Variants in ADGRV1 observed in about 807,000 individuals in gnomAD.
ADGRV1 encodes the protein adhesion G protein-coupled receptor V1.
ADGRV1 carries 359 observed loss-of-function variants against 596.2 expected under a neutral mutation model. The observed-to-expected ratio is 0.60, with a 90% CI of 0.55 to 0.66. The LOEUF (loss-of-function observed/expected upper bound fraction) is 0.66. ADGRV1 is among the 30% of genes least tolerant of loss of function. The pLI is 0.00. For missense variants in ADGRV1, 7,274 were observed against 7,575.6 expected (o/e 0.96, Z 1.48); for synonymous variants, 2,681 against 2,679.2 (o/e 1.00, Z -0.02).
chr5:90,664,452 T>C (rs1378697652), intron 21 of ADGRV1, among the ~76,000 whole-genome samples: 6 of 151,668 alleles, frequency 4.0e-5, no homozygotes, highest in Non-Finnish European at 8.8e-5. Context: ...GAGATTTTTG[T>C]ACATTGATTT....
At chr5:90,707,883 G>C (rs1475711113) in intron 38 of ADGRV1, among the ~76,000 whole-genome samples, 1 of 152,002 alleles carries the variant, frequency 6.6e-6, no homozygotes, top group African/African-American at 2.4e-5. Flanking sequence ...GCTGCCCTGG[G>C]GAGTGGTAGG....
chr5:90,971,407 C>T (rs1778973368), intron 84 of ADGRV1, among the ~76,000 whole-genome samples: 1 of 148,868 alleles, frequency 6.7e-6, no homozygotes, highest in Admixed American at 6.7e-5. Flanking sequence ...GTCAGATTCA[C>T]CAAAGATGAG....
At chr5:90,601,151 T>A (rs1761354743) in intron 1 of ADGRV1, among the ~76,000 whole-genome samples, 1 of 151,770 alleles carries the variant, frequency 6.6e-6, no homozygotes, top group Non-Finnish European at 1.5e-5. Flanking sequence ...GGCAGGAGAA[T>A]CACTTGAACC....
intron 84 of ADGRV1, 147 bp from the exon 85 acceptor site, chr5:90,985,197 A>G (rs1780387731): frequency 6.3e-6 from 3 of 477,366 alleles, no homozygotes; most frequent in Non-Finnish European, 1.1e-5. Context: ...GAAAGAATGA[A>G]TGTATGAACT....
intron 1 of ADGRV1, among the ~76,000 whole-genome samples, chr5:90,598,552 C>T (rs1761008117): frequency 6.6e-6 from 1 of 152,194 alleles, no homozygotes; most frequent in African/African-American, 2.4e-5. Context: ...ACATGGGACA[C>T]AGCCTGAAGT....
intron 35 of ADGRV1, 21 bp downstream of exon 35, chr5:90,703,816 C>A (rs772285051): frequency 1.3e-6 from 2 of 1,547,650 alleles, no homozygotes; most frequent in Non-Finnish European, 1.8e-6. Context: ...AAAGAAAAGT[C>A]GATCACAAAT....
At chr5:90,583,201 G>C (rs1031985087) in intron 1 of ADGRV1, among the ~76,000 whole-genome samples, 44 of 152,090 alleles carry the variant, frequency 2.9e-4, no homozygotes, top group African/African-American at 1.0e-3. Flanking sequence ...AGCATACCTA[G>C]TAGTTGAGAC....
At chr5:90,787,182 A>G (rs1490304635) in intron 67 of ADGRV1, among the ~76,000 whole-genome samples, 1 of 152,194 alleles carries the variant, frequency 6.6e-6, no homozygotes, top group East Asian at 1.9e-4. Context: ...CTGCTGATGA[A>G]AGATTAAGAA....
At chr5:90,992,228 T>A (rs1215128772) in intron 85 of ADGRV1, among the ~76,000 whole-genome samples, 2 of 152,264 alleles carry the variant, frequency 1.3e-5, no homozygotes, top group African/African-American at 4.8e-5. Context: ...AAATTCTTAT[T>A]CAAAGGCCTG....
At chr5:91,132,663 A>G (rs894427216) in intron 87 of ADGRV1, among the ~76,000 whole-genome samples, 1 of 152,260 alleles carries the variant, frequency 6.6e-6, no homozygotes, top group Non-Finnish European at 1.5e-5. Context: ...TTCCTGAGGA[A>G]GTGAAATCAG....
intron 50 of ADGRV1, among the ~76,000 whole-genome samples, chr5:90,739,730 C>T (rs1258042754): frequency 2.0e-5 from 3 of 152,150 alleles, no homozygotes; most frequent in Non-Finnish European, 2.9e-5. Flanking sequence ...TGCACAGGGC[C>T]ACCTACTTGG....
At chr5:90,771,433 CT>C (rs1318711614) in intron 59 of ADGRV1, among the ~76,000 whole-genome samples, 6 of 152,166 alleles carry the variant, frequency 3.9e-5, no homozygotes, top group Non-Finnish European at 5.9e-5. Context: ...AACAAAGGCT[CT>C]GAGTATTGCA....
At position 90,904,204 on chromosome 5, in the gene ADGRV1, G is replaced by A. The variant is rs150211315; in HGVS notation, c.17856+40347G>A. ...TACTTCCAAATCTTGGCTATTGTGA[G>A]TAGTGCTGCAACAACCATGGGAATG... is the stretch of plus-strand genomic sequence containing the variant. On this transcript the variant is annotated intron_variant, in intron 83 of 89. Transcript: ENST00000405460. Among the ~76,000 whole-genome samples the A allele has an allele frequency of 8.4e-3, 1,272 of 152,088 alleles. 11 individuals carry two copies. The highest frequency in any genetic ancestry group is 0.013 in the Non-Finnish European group (889 of 67,906).
At chr5:90,691,700 C>T (rs1746502371) in intron 31 of ADGRV1, among the ~76,000 whole-genome samples, 2 of 152,112 alleles carry the variant, frequency 1.3e-5, no homozygotes, top group South Asian at 4.1e-4. Context: ...TGTATAAACT[C>T]TTAACTTATA....
intron 75 of ADGRV1, among the ~76,000 whole-genome samples, chr5:90,817,641 G>A (rs1419907078): frequency 1.9e-4 from 29 of 152,060 alleles, no homozygotes; most frequent in Non-Finnish European, 7.4e-5. Context: ...TGGCTAGCCA[G>A]TTTTCCCAGC....
Position 90,653,617 on chromosome 5 carries a change from G to T in ADGRV1, c.4043G>T (p.Arg1348Met). The change falls in exon 20 of 90, where the codon AGG becomes ATG. Residue 1348 changes from arginine (R) to methionine (M), a missense_variant. This residue lies in a region of ADGRV1 where 1,715 missense variants were observed against 1,708.8 expected (regional missense o/e 1.00). Coordinates refer to ENST00000405460, the MANE Select transcript of ADGRV1 (RefSeq NM_032119.4). ...GTTAATCCAAAATACCATCCCTCCAGGAATAATACAATTGCCAACTTTACA... is the reference window on the plus strand; with the variant it reads ...GTTAATCCAAAATACCATCCCTCCATGAATAATACAATTGCCAACTTTACA... ...GTVNPKYHPS[R>M]NNTIANFTFS... 6.2e-7 allele frequency: 1 copy of T among 1,613,618 alleles called. No individual in the cohort carries two copies. Among genetic ancestry groups the T allele is most frequent in the East Asian group, 2.2e-5 (1 of 44,864 alleles).
chr5:91,151,208 T>C (rs1562284296), intron 88 of ADGRV1, among the ~76,000 whole-genome samples: 1 of 152,218 alleles, frequency 6.6e-6, no homozygotes, highest in Non-Finnish European at 1.5e-5. Flanking sequence ...ATAACTTTTG[T>C]CCTTCATAGC....
At chr5:90,782,986 T>A (rs1759019955) in intron 65 of ADGRV1, 138 bp from the exon 66 acceptor site, 12 of 686,456 alleles carry the variant, frequency 1.7e-5, no homozygotes, top group Non-Finnish European at 2.5e-5. Context: ...AATCCCCCTT[T>A]AAAATGATAA....
In ADGRV1 at chr5:90,853,693, T is replaced by G. The variant is rs147828336; in HGVS notation, c.17454+160T>G. Among the ~76,000 whole-genome samples, 13 of 152,344 alleles carry G rather than the reference T, an allele frequency of 8.5e-5. No homozygotes were observed. In the East Asian group the frequency reaches 2.3e-3, roughly 27 times the overall value. On this transcript the variant is annotated intron_variant, in intron 80 of 89. Transcript: ENST00000405460. ...CTTTATGAACTATTTGTAGAAAGTTTAGTTTCTAAATGAGTTGGAAATATA... is the reference window on the plus strand; with the variant it reads ...CTTTATGAACTATTTGTAGAAAGTTGAGTTTCTAAATGAGTTGGAAATATA...
Sources: allele counts gnomAD v4.1 joint callset (sites outside exome capture counted in the v4.1 genomes callset), GRCh38; gene constraint gnomAD v4.1.1; regional missense constraint gnomAD v4.1.1; transcripts MANE v1.5; gene names NCBI Gene and HGNC (gene_info 2026-07-23, HGNC 2026-07-21).